The following NR6A1 variants were observed in gnomAD, a reference collection of about 807,000 sequenced individuals.
NR6A1 encodes nuclear receptor subfamily 6 group A member 1.
Under a neutral mutation model 59.1 loss-of-function variants are expected in NR6A1, and 7 were observed. That is an observed-to-expected ratio of 0.12 (90% confidence interval 0.07 to 0.22). The LOEUF is 0.22. NR6A1 is among the 10% of genes least tolerant of loss of function. The probability of loss-of-function intolerance (pLI) is 1.00; values close to 1 mark genes in which losing one functional copy is unlikely to be tolerated. For missense variants in NR6A1, 468 were observed against 611.6 expected (o/e 0.77, Z 2.48); for synonymous variants, 243 against 236.1 (o/e 1.03, Z -0.27).
intron 1 of NR6A1, among the ~76,000 whole-genome samples, chr9:124,757,542 T>C (rs1017545321): frequency 6.6e-6 from 1 of 151,932 alleles, no homozygotes; most frequent in African/African-American, 2.4e-5. Context: ...TTATAGGTTA[T>C]TTTCCCTTCG....
chr9:124,699,163 A>G (rs1468510251), intron 2 of NR6A1, among the ~76,000 whole-genome samples: 2 of 152,208 alleles, frequency 1.3e-5, no homozygotes, highest in Non-Finnish European at 2.9e-5. Context: ...TGCAAACAGC[A>G]CAAGGTATAG....
chr9:124,703,396 G>C (rs966939990), intron 2 of NR6A1, among the ~76,000 whole-genome samples: 2 of 145,320 alleles, frequency 1.4e-5, no homozygotes, highest in African/African-American at 2.6e-5. Context: ...TTCTTTTCTT[G>C]TAACAGGCTC....
At chr9:124,531,073 A>G (rs1015079183) in intron 7 of NR6A1, among the ~76,000 whole-genome samples, 12 of 152,252 alleles carry the variant, frequency 7.9e-5, no homozygotes, top group African/African-American at 2.9e-4. Context: ...TTATCATTAC[A>G]AATAGCATCA....
intron 2 of NR6A1, chr9:124,598,670 C>G: frequency 7.2e-6 from 1 of 138,576 alleles, no homozygotes; most frequent in Non-Finnish European, 1.3e-5. Context: ...AAAAAAAAAA[C>G]AAGGAAGGGA....
intron 2 of NR6A1, among the ~76,000 whole-genome samples, chr9:124,580,424 G>C (rs1253516150): frequency 2.6e-5 from 4 of 151,870 alleles, no homozygotes; most frequent in African/African-American, 9.7e-5. Context: ...CATGAAAGAA[G>C]GTTTTTTTTT....
chr9:124,526,699 G>A, intron 8 of NR6A1, 80 bp downstream of exon 8: 1 of 1,579,480 alleles, frequency 6.3e-7, no homozygotes, highest in Non-Finnish European at 8.6e-7. Flanking sequence ...TGAGGGTAAG[G>A]AGGGGTGAAA....
intron 2 of NR6A1, among the ~76,000 whole-genome samples, chr9:124,700,184 T>C (rs985170540): frequency 2.0e-5 from 3 of 150,948 alleles, no homozygotes; most frequent in Admixed American, 1.3e-4. Flanking sequence ...TCATATAACA[T>C]GTACTCGCTT....
intron 2 of NR6A1, among the ~76,000 whole-genome samples, chr9:124,686,502 T>C (rs1192814002): frequency 2.6e-5 from 4 of 152,214 alleles, no homozygotes; most frequent in Non-Finnish European, 4.4e-5. Flanking sequence ...TCCCAACTTA[T>C]TATTTCAGCT....
At chr9:124,662,524 A>T (rs1175386806) in intron 2 of NR6A1, among the ~76,000 whole-genome samples, 1 of 152,214 alleles carries the variant, frequency 6.6e-6, no homozygotes, top group African/African-American at 2.4e-5. Context: ...CACATGGTAG[A>T]GATTCCAAAA....
intron 2 of NR6A1, among the ~76,000 whole-genome samples, chr9:124,718,803 CT>C (rs11316308): frequency 0.37 from 23,577 of 64,398 alleles, 4,960 homozygotes; most frequent in East Asian, 0.48. Context: ...AAATTGTTAC[CT>C]TTTTTTTTTT....
chr9:124,522,806 G>C lies in NR6A1; in HGVS notation c.1355-13C>G, dbSNP rs373264185. 8.4e-5 allele frequency: 132 copies of C among 1,570,092 alleles called. No individual in the cohort carries two copies. In the East Asian group the frequency reaches 1.7e-3, roughly 20 times the overall value. The stretch of plus-strand genomic sequence containing the variant: ...TTCACCATCTTTCCTGGGAACAAGG[G>C]GGGAGAAGAAGAGTTAGCAGTGGTC... On this transcript the variant is annotated splice_polypyrimidine_tract_variant and intron_variant, in intron 9 of 9. Transcript: ENST00000487099.
chr9:124,680,878 A>G (rs1838131615), intron 2 of NR6A1, among the ~76,000 whole-genome samples: 1 of 152,236 alleles, frequency 6.6e-6, no homozygotes. Context: ...ATGATGGTAC[A>G]AAGTCAATGC....
At chr9:124,598,170 G>A (rs1367759627) in intron 2 of NR6A1, among the ~76,000 whole-genome samples, 3 of 151,980 alleles carry the variant, frequency 2.0e-5, no homozygotes, top group Non-Finnish European at 2.9e-5. Flanking sequence ...TTTTAACTAC[G>A]CCTCCAAGTA....
intron 7 of NR6A1, among the ~76,000 whole-genome samples, chr9:124,527,141 A>G (rs1215716173): frequency 1.3e-5 from 2 of 152,090 alleles, no homozygotes; most frequent in African/African-American, 2.4e-5. Context: ...CATCACACAC[A>G]AGCTATGAGA....
At chr9:124,760,968 G>A (rs1429160557) in intron 1 of NR6A1, among the ~76,000 whole-genome samples, 1 of 152,198 alleles carries the variant, frequency 6.6e-6, no homozygotes, top group Non-Finnish European at 1.5e-5. Context: ...CCCCCAGGTG[G>A]TTTATTATCC....
At chr9:124,524,447 T>C (rs958062831) in intron 9 of NR6A1, among the ~76,000 whole-genome samples, 6 of 152,324 alleles carry the variant, frequency 3.9e-5, no homozygotes, top group Non-Finnish European at 7.4e-5. Flanking sequence ...GGCTATAATA[T>C]TGCCAACCAC....
At chr9:124,595,767 C>T in intron 2 of NR6A1, 1 of 1,288,462 alleles carries the variant, frequency 7.8e-7, no homozygotes, top group Non-Finnish European at 1.0e-6. Flanking sequence ...GTCTCCATTT[C>T]ATGCTTCTTG....
chr9:124,580,460 G>T (rs1300255304), intron 2 of NR6A1, among the ~76,000 whole-genome samples: 1 of 152,026 alleles, frequency 6.6e-6, no homozygotes, highest in Admixed American at 6.5e-5. Flanking sequence ...GTTCTGGCTA[G>T]AAAATACTAT....
At chr9:124,635,354 C>T (rs546589582) in intron 2 of NR6A1, among the ~76,000 whole-genome samples, 1 of 152,266 alleles carries the variant, frequency 6.6e-6, no homozygotes, top group South Asian at 2.1e-4. Context: ...GAGATAACTG[C>T]ATCATGGTGT....
Sources: allele counts gnomAD v4.1 joint callset (sites outside exome capture counted in the v4.1 genomes callset), GRCh38; gene constraint gnomAD v4.1.1; transcripts MANE v1.5; gene names NCBI Gene and HGNC (gene_info 2026-07-23, HGNC 2026-07-21).